Variants in LCK observed in about 807,000 individuals in gnomAD.
LCK encodes the protein tyrosine-protein kinase Lck.
A neutral mutation model predicts 64.6 loss-of-function variants in LCK; 14 were observed. The ratio of observed to expected loss-of-function variants is 0.22; its 90% CI spans 0.14 to 0.34. The LOEUF (loss-of-function observed/expected upper bound fraction) is 0.34. Among genes scored for constraint, LCK ranks in the 10% least tolerant of loss-of-function variants. LCK has a pLI of 1.00. For synonymous variants in LCK, 277 were observed against 263.6 expected, an observed-to-expected ratio of 1.05 and a Z score of -0.49; for missense variants, 434 against 668.1, an observed-to-expected ratio of 0.65 and a Z score of 3.86.
At chr1:32,260,699 T>G (rs762105630) in intron 1 of LCK, among the ~76,000 whole-genome samples, 51 of 152,274 alleles carry the variant, frequency 3.3e-4, no homozygotes, top group Non-Finnish European at 6.5e-4. Flanking sequence ...ATTGGCTCAC[T>G]GCAACCTCAA....
At position 32,255,796 on chromosome 1, in the gene LCK, A is replaced by ATTTTTTT. The variant is rs1363275909; in HGVS notation, c.-6+4428_-6+4429insTTTTTTT. Among the ~76,000 whole-genome samples, 18 of 142,644 alleles carry ATTTTTTT rather than the reference A, an allele frequency of 1.3e-4. 2 individuals carry two copies. The highest frequency in any genetic ancestry group is 4.8e-4 in the African/African-American group (18 of 37,494). The allele number at this position is 142,644 out of a possible 152,430, so 93.6% of individuals were successfully genotyped here. On this transcript the variant is annotated intron_variant, in intron 1 of 12. Transcript: ENST00000336890. Reference sequence around the variant, plus strand: ...CTGGCACATAGGAGGTACCCATTAAATTTATTTTTTTTTTTTTTTTTTTTG... The same window carrying ATTTTTTT: ...CTGGCACATAGGAGGTACCCATTAAATTTTTTTTTTATTTTTTTTTTTTTTTTTTTTG...
In LCK at chr1:32,276,888, G is replaced by C; in HGVS notation, c.964+102G>C. ...TTCTTCTGGCCCAAAGCTCAAGCAA[G>C]GAGGGTTTCTTGAGCTTTCCTGCCC... On this transcript the variant is annotated intron_variant, in intron 9 of 12. Transcript: ENST00000336890. This position sits in a 1 kb window ranked among gnomAD's most constrained non-coding sequence, Gnocchi z 4.6. 1 of 1,266,276 alleles carries C rather than the reference G, an allele frequency of 7.9e-7. No individual in the cohort carries two copies. Among genetic ancestry groups the C allele is most frequent in the Non-Finnish European group, 1.1e-6 (1 of 947,192 alleles). 78.4% of individuals were successfully genotyped at this position (1,266,276 alleles called of 1,614,324 possible). A position where few individuals can be genotyped will look rare whatever the true frequency, so the allele number is the denominator to read the frequency against.
intron 12 of LCK, 44 bp downstream of exon 12, chr1:32,280,254 A>AGTCCATGT: frequency 6.2e-7 from 1 of 1,607,000 alleles, no homozygotes; most frequent in African/African-American, 1.3e-5. Context: ...GGGAAGGGCA[A>AGTCCATGT]GTCCATGTCT....
At chr1:32,283,406 C>A (rs1640520683) in intron 12 of LCK, among the ~76,000 whole-genome samples, 1 of 151,766 alleles carries the variant, frequency 6.6e-6, no homozygotes, top group Non-Finnish European at 1.5e-5. Flanking sequence ...TTTCCAGGAG[C>A]AAAACTTTGA....
intron 12 of LCK, among the ~76,000 whole-genome samples, chr1:32,285,233 G>T (rs1382750086): frequency 6.6e-6 from 1 of 150,664 alleles, no homozygotes; most frequent in Non-Finnish European, 1.5e-5. Context: ...CCTGGGAGGT[G>T]GAGGTTGCGG....
intron 1 of LCK, among the ~76,000 whole-genome samples, chr1:32,269,810 C>G (rs948171794): frequency 6.6e-6 from 1 of 152,016 alleles, no homozygotes; most frequent in East Asian, 1.9e-4. Context: ...CCCATTCTTC[C>G]ACCTTCCAAA....
In LCK at chr1:32,275,174, G is replaced by C; in HGVS notation, c.278+91G>C. On this transcript the variant is annotated intron_variant, in intron 4 of 12. Transcript: ENST00000336890. The surrounding 1 kb of genome is among the most constrained non-coding windows in gnomAD (Gnocchi z 6.9). ...CCCTCCTGCGGCCCTTGACCAGCTC[G>C]GGGTGGCCGCCCTTGGGACAAAATT... The C allele has an allele frequency of 6.8e-7, 1 of 1,472,410 alleles. No individual in the cohort carries two copies. The highest frequency in any genetic ancestry group is 9.4e-7 in the Non-Finnish European group (1 of 1,062,576). 91.2% of individuals were successfully genotyped at this position (1,472,410 alleles called of 1,614,324 possible).
rs201830817 is a variant in LCK at position 32,279,680 on chromosome 1, T to C, written c.974T>C (p.Val325Ala). ...TTGCTTCTGCCCACAGGGAGTCTAGTGGATTTTCTCAAGACCCCTTCAGGC... is the reference window on the plus strand; with the variant it reads ...TTGCTTCTGCCCACAGGGAGTCTAGCGGATTTTCTCAAGACCCCTTCAGGC... ...ITEYMENGSL[V>A]DFLKTPSGIK... is the part of the protein sequence containing the mutation. Residue 325 changes from valine to alanine, a missense_variant, in exon 10 of 13, where the codon GTG becomes GCG. Coordinates refer to ENST00000336890, the MANE Select transcript of LCK (RefSeq NM_005356.5). The C allele has an allele frequency of 8.1e-6, 13 of 1,613,896 alleles. No individual in the cohort carries two copies. The East Asian group carries it at 2.7e-4, about 33-fold the overall frequency.
At chr1:32,255,922 T>C (rs564755642) in intron 1 of LCK, among the ~76,000 whole-genome samples, 1 of 151,576 alleles carries the variant, frequency 6.6e-6, no homozygotes, top group African/African-American at 2.4e-5. Flanking sequence ...CCACCTCAGC[T>C]TCCTGAGTAG....
chr1:32,279,600 G>T (rs953170037), intron 9 of LCK, 71 bp from the exon 10 acceptor site: 4 of 1,611,904 alleles, frequency 2.5e-6, no homozygotes, highest in Non-Finnish European at 3.4e-6. Flanking sequence ...TAGACTCCCA[G>T]TTGGAGGAGA....
In LCK at chr1:32,251,892, GAA is replaced by G. The variant is rs1478305296; in HGVS notation, c.-6+523_-6+524del. Among the ~76,000 whole-genome samples, 3 of 98,962 alleles carry G rather than the reference GAA, an allele frequency of 3.0e-5. No homozygotes were observed. The highest frequency in any genetic ancestry group is 8.5e-5 in the African/African-American group (2 of 23,408). The allele number at this position is 98,962 out of a possible 152,430, so 64.9% of individuals were successfully genotyped here. A position where few individuals can be genotyped will look rare whatever the true frequency, so the allele number is the denominator to read the frequency against. On this transcript the variant is annotated intron_variant, in intron 1 of 12. Coordinates refer to ENST00000336890, the MANE Select transcript of LCK (RefSeq NM_005356.5). The surrounding 1 kb of genome is among the most constrained non-coding windows in gnomAD (Gnocchi z 4.0). ...GACCCCAGTGACAAGAATCTCCTGA[GAA>G]AGAGAGAGAGAGAGAGAGAGAGAGA...
At position 32,276,363 on chromosome 1, in the gene LCK, T is replaced by C; in HGVS notation, c.658T>C (p.Leu220=). Residue 220 remains leucine (L), a synonymous_variant, in exon 8 of 13, where the codon TTG becomes CTG. Coordinates refer to ENST00000336890, the MANE Select transcript of LCK (RefSeq NM_005356.5). The surrounding 1 kb of genome is among the most constrained non-coding windows in gnomAD (Gnocchi z 4.6). ...TGCTTCAGATGGGCTGTGCACACGG[T>C]TGAGCCGCCCCTGCCAGACCCAGAA... The part of the protein sequence containing the change: ...TNASDGLCTR[L]SRPCQTQKPQ... The C allele has an allele frequency of 6.2e-7, 1 of 1,609,104 alleles. No individual in the cohort carries two copies. The highest frequency in any genetic ancestry group is 8.5e-7 in the Non-Finnish European group (1 of 1,178,676).
At position 32,285,701 on chromosome 1, in the gene LCK, CCAGCCT is replaced by C. The variant is rs1424847747; in HGVS notation, c.1522_1527del (p.Gln508_Pro509del). Reference sequence around the variant, plus strand: ...TCTTCACGGCCACAGAGGGCCAGTACCAGCCTCAGCCTTGAGAGGCCTTGAGAGGCC... The same window carrying C: ...TCTTCACGGCCACAGAGGGCCAGTACCAGCCTTGAGAGGCCTTGAGAGGCC... On this transcript the variant is annotated inframe_deletion, in exon 13 of 13. Coordinates refer to ENST00000336890, the MANE Select transcript of LCK (RefSeq NM_005356.5). 6.2e-7 allele frequency: 1 copy of C among 1,602,846 alleles called. No individual in the cohort carries two copies. The highest frequency in any genetic ancestry group is 8.5e-7 in the Non-Finnish European group (1 of 1,174,768).
intron 1 of LCK, among the ~76,000 whole-genome samples, chr1:32,273,865 A>G (rs1466600029): frequency 6.6e-6 from 1 of 152,018 alleles, no homozygotes; most frequent in Non-Finnish European, 1.5e-5. Context: ...CCTCAGCTAG[A>G]CAGGGGAATT....
Position 32,280,146 on chromosome 1 carries a change from A to G in LCK, c.1263A>G (p.Ser421=). 1 of 1,614,172 alleles carries G rather than the reference A, an allele frequency of 6.2e-7. No individual in the cohort carries two copies. The highest frequency in any genetic ancestry group is 8.5e-7 in the Non-Finnish European group (1 of 1,180,030). Residue 421 remains serine (S), a synonymous_variant, in exon 12 of 13, where the codon TCA becomes TCG. Transcript: ENST00000336890. ...AINYGTFTIK[S]DVWSFGILLT... Reference sequence around the variant, plus strand: ...ACTACGGGACATTCACCATCAAGTCAGATGTGTGGTCTTTTGGGATCCTGC... The same window carrying G: ...ACTACGGGACATTCACCATCAAGTCGGATGTGTGGTCTTTTGGGATCCTGC...
chr1:32,258,761 G>T (rs1489094808), intron 1 of LCK, among the ~76,000 whole-genome samples: 62 of 143,698 alleles, frequency 4.3e-4, no homozygotes, highest in Non-Finnish European at 3.7e-4. Flanking sequence ...CTGAGATCAC[G>T]TCACTGCACT....
At chr1:32,257,422 G>A (rs1048514788) in intron 1 of LCK, among the ~76,000 whole-genome samples, 1 of 151,468 alleles carries the variant, frequency 6.6e-6, no homozygotes, top group African/African-American at 2.4e-5. Context: ...GCTAATTTTT[G>A]TATTTTTTTT....
intron 1 of LCK, among the ~76,000 whole-genome samples, chr1:32,272,642 AGAGAGAGC>A (rs1310904802): frequency 0.018 from 2,446 of 136,770 alleles, 120 homozygotes; most frequent in African/African-American, 0.084. Context: ...AGAGAGAGAG[AGAGAGAGC>A]GAGAGAGCGC....
In LCK at chr1:32,275,538, G is replaced by C. The variant is rs779807330; in HGVS notation, c.378-31G>C. On this transcript the variant is annotated intron_variant, in intron 5 of 12. Transcript: ENST00000336890. This position sits in a 1 kb window ranked among gnomAD's most constrained non-coding sequence, Gnocchi z 6.9. ...CACGGAGGAAGATCCGACGACAGCC[G>C]ACGGCCTTCGTTCGCTTCCGCCCTG... 1 of 1,555,860 alleles carries C rather than the reference G, an allele frequency of 6.4e-7. No individual in the cohort carries two copies. The highest frequency in any genetic ancestry group is 1.4e-5 in the African/African-American group (1 of 73,406).
Sources: gnomAD v4.1 joint callset for allele counts (sites outside exome capture counted in the v4.1 genomes callset) on GRCh38, gnomAD v4.1.1 for gene constraint, Gnocchi (gnomAD v3.1) non-coding constraint, MANE v1.5 for transcripts, NCBI Gene and HGNC (gene_info 2026-07-23, HGNC 2026-07-21) for gene names.